The following EPB41L3 variants were observed in gnomAD, a reference collection of about 807,000 sequenced individuals.
EPB41L3 encodes erythrocyte membrane protein band 4.1 like 3, also known as band 4.1-like protein 3.
A neutral mutation model predicts 127.1 loss-of-function variants in EPB41L3; 57 were observed. The ratio of observed to expected loss-of-function variants is 0.45; its 90% CI spans 0.36 to 0.56. EPB41L3 has a LOEUF of 0.56. EPB41L3 is among the 20% of genes least tolerant of loss of function. EPB41L3 has a pLI of 0.00. For synonymous variants in EPB41L3, 572 were observed against 549.5 expected, an observed-to-expected ratio of 1.04 and a Z score of -0.57; for missense variants, 1,273 against 1,372.2, an observed-to-expected ratio of 0.93 and a Z score of 1.14.
At chr18:5,429,577 G>C (rs1362732407) in intron 8 of EPB41L3, among the ~76,000 whole-genome samples, 2 of 152,198 alleles carry the variant, frequency 1.3e-5, no homozygotes, top group African/African-American at 4.8e-5. Flanking sequence ...TGCAAGGCAG[G>C]AGATGGAAAT....
intron 3 of EPB41L3, among the ~76,000 whole-genome samples, chr18:5,580,278 TACAC>T: frequency 6.6e-6 from 1 of 151,990 alleles, no homozygotes; most frequent in Non-Finnish European, 1.5e-5. Context: ...TACACACAGA[TACAC>T]ACTCAAGCAC....
At chr18:5,605,086 G>A (rs769006434) in intron 3 of EPB41L3, among the ~76,000 whole-genome samples, 1 of 152,024 alleles carries the variant, frequency 6.6e-6, no homozygotes, top group African/African-American at 2.4e-5. Context: ...TAGTCTCTGT[G>A]GGGGAAGAAA....
intron 3 of EPB41L3, among the ~76,000 whole-genome samples, chr18:5,602,372 C>T (rs990435555): frequency 1.1e-4 from 17 of 152,148 alleles, no homozygotes; most frequent in African/African-American, 4.1e-4. Flanking sequence ...TGGCACAATA[C>T]CAGGAAGGTG....
chr18:5,608,073 T>C (rs2094682572), intron 3 of EPB41L3, among the ~76,000 whole-genome samples: 1 of 152,144 alleles, frequency 6.6e-6, no homozygotes, highest in Non-Finnish European at 1.5e-5. Context: ...TCATCCACAA[T>C]ATTAGACAAT....
rs532536271 is a variant in EPB41L3 at position 5,530,399 on chromosome 18, A to G, written c.-12+13514T>C. Among the ~76,000 whole-genome samples, 18 of 151,928 alleles carry G rather than the reference A, an allele frequency of 1.2e-4. No homozygotes were observed. In the South Asian group the frequency reaches 3.5e-3, roughly 30 times the overall value. ...GATATATTGTCCTTCAAAAAAGTAA[A>G]CTCCCTAGATTACTAAAAAAGCCAT... On this transcript the variant is annotated intron_variant, in intron 1 of 22. Transcript: ENST00000341928.
chr18:5,464,318 C>G (rs976471347), intron 3 of EPB41L3, among the ~76,000 whole-genome samples: 2 of 152,184 alleles, frequency 1.3e-5, no homozygotes, highest in Non-Finnish European at 2.9e-5. Flanking sequence ...CCTGCTTACC[C>G]ATTATGCACA....
chr18:5,528,352 T>A (rs2093303883), intron 1 of EPB41L3, among the ~76,000 whole-genome samples: 1 of 151,584 alleles, frequency 6.6e-6, no homozygotes, highest in Non-Finnish European at 1.5e-5. Context: ...TTTTAAAAAA[T>A]TTTTGTAGAG....
rs142425648 is a variant in EPB41L3 at position 5,460,165 on chromosome 18, G to A, written c.382-14921C>T. Among the ~76,000 whole-genome samples the A allele has an allele frequency of 1.4e-4, 22 of 152,290 alleles. No homozygotes were observed. In the East Asian group the frequency reaches 4.1e-3, roughly 28 times the overall value. On this transcript the variant is annotated intron_variant, in intron 3 of 22. Transcript: ENST00000341928. ...GAGATTGTGCAGCATTTGGTTTTCT[G>A]TTCCTACATTAGTTTGCTGAGGATA...
At chr18:5,474,879 G>C (rs1286032810) in intron 3 of EPB41L3, among the ~76,000 whole-genome samples, 2 of 152,192 alleles carry the variant, frequency 1.3e-5, no homozygotes, top group African/African-American at 2.4e-5. Context: ...TGCACCTACA[G>C]TTTCTACGGG....
chr18:5,442,111 A>T (rs985227804), intron 5 of EPB41L3, among the ~76,000 whole-genome samples: 1 of 152,202 alleles, frequency 6.6e-6, no homozygotes, highest in African/African-American at 2.4e-5. Flanking sequence ...CATTAATTAG[A>T]TGAATAAGAG....
At chr18:5,435,897 G>T (rs2079708100) in intron 6 of EPB41L3, among the ~76,000 whole-genome samples, 1 of 151,996 alleles carries the variant, frequency 6.6e-6, no homozygotes, top group African/African-American at 2.4e-5. Flanking sequence ...CTCATTTTTA[G>T]AATTTAGATA....
chr18:5,416,156 G>C lies in EPB41L3; in HGVS notation c.1729C>G (p.Gln577Glu), dbSNP rs762178251. 1.2e-6 allele frequency: 2 copies of C among 1,614,058 alleles called. No individual in the cohort carries two copies. The highest frequency in any genetic ancestry group is 8.5e-7 in the Non-Finnish European group (1 of 1,179,944). The change falls in exon 13 of 23, where the codon CAG becomes GAG. Residue 577 changes from glutamine (Q) to glutamate (E), a missense_variant. Physicochemically the swap from Gln to Glu is conservative, Grantham distance 29 (BLOSUM62 2). Transcript: ENST00000341928. ...AGGGTGGTCCCCTTGCCAGTTTGCT[G>C]TCTGTAGCTAAAAGCCACATCTTGA... ...GDQDVAFSYR[Q>E]QTGKGTTLFS...
chr18:5,410,450 A>T, intron 14 of EPB41L3, 116 bp downstream of exon 14: 1 of 719,924 alleles, frequency 1.4e-6, no homozygotes, highest in Non-Finnish European at 2.5e-6. Flanking sequence ...TCCAACTGTT[A>T]AAGTTAGAAC....
chr18:5,585,522 A>G (rs764955027), intron 3 of EPB41L3, among the ~76,000 whole-genome samples: 1 of 152,054 alleles, frequency 6.6e-6, no homozygotes, highest in Non-Finnish European at 1.5e-5. Context: ...CAGGCTGGCC[A>G]ACAAGTAATT....
chr18:5,467,117 T>C (rs920171678), intron 3 of EPB41L3, among the ~76,000 whole-genome samples: 2 of 152,238 alleles, frequency 1.3e-5, no homozygotes, highest in African/African-American at 4.8e-5. Flanking sequence ...GTGATAACTA[T>C]AGAACTTGCT....
chr18:5,503,288 T>C (rs1413105446), intron 1 of EPB41L3, among the ~76,000 whole-genome samples: 2 of 152,176 alleles, frequency 1.3e-5, no homozygotes, highest in East Asian at 3.9e-4. Flanking sequence ...CGTAACTGGA[T>C]GCCACTATTT....
chr18:5,481,694 G>A (rs2088563334), intron 2 of EPB41L3, among the ~76,000 whole-genome samples: 1 of 152,164 alleles, frequency 6.6e-6, no homozygotes, highest in African/African-American at 2.4e-5. Context: ...AATCAGAGTG[G>A]CTGTTCAGCA....
At chr18:5,593,738 T>C (rs925141230) in intron 3 of EPB41L3, among the ~76,000 whole-genome samples, 8 of 152,190 alleles carry the variant, frequency 5.3e-5, no homozygotes, top group African/African-American at 1.9e-4. Context: ...CCATAGAAAA[T>C]GGCCACACCC....
rs2072598202 is a variant in EPB41L3, at chr18:5,392,628, T to G, written c.*857A>C. The stretch of plus-strand genomic sequence containing the variant: ...TTTCAAGTAAAAGAAGAAAAATCAA[T>G]TAAAAAATACACGGCACGGAAAAAG... On this transcript the variant is annotated 3_prime_UTR_variant, in exon 23 of 23. Coordinates refer to ENST00000341928, the MANE Select transcript of EPB41L3 (RefSeq NM_012307.5). 6.6e-6 allele frequency: 1 copy of G among 152,468 alleles called. No individual in the cohort carries two copies. Among genetic ancestry groups the G allele is most frequent in the Admixed American group, 6.6e-5 (1 of 15,240 alleles). The allele number at this position is 152,468 out of a possible 1,614,324, so 9.4% of individuals were successfully genotyped here. A position where few individuals can be genotyped will look rare whatever the true frequency, so the allele number is the denominator to read the frequency against.
Sources: allele counts gnomAD v4.1 joint callset (sites outside exome capture counted in the v4.1 genomes callset), GRCh38; gene constraint gnomAD v4.1.1; transcripts MANE v1.5; gene names NCBI Gene and HGNC (gene_info 2026-07-23, HGNC 2026-07-21).